Variants in RPL4 observed in about 807,000 individuals in gnomAD.
The protein encoded by RPL4 is large ribosomal subunit protein uL4.
Under a neutral mutation model 47.7 loss-of-function variants are expected in RPL4, and 3 were observed. The observed-to-expected ratio is 0.06, with a 90% CI of 0.03 to 0.16. The LOEUF (loss-of-function observed/expected upper bound fraction) is 0.16, where lower values mean the gene tolerates loss of function less well. Among genes scored for constraint, RPL4 ranks in the 10% least tolerant of loss-of-function variants. The pLI is 1.00. For missense variants in RPL4, 413 were observed against 551.3 expected (o/e 0.75, Z 2.51); for synonymous variants, 208 against 182.1 (o/e 1.14, Z -1.15).
At position 66,499,482 on chromosome 15, in the gene RPL4, A is replaced by G. The variant is rs746617791; in HGVS notation, c.1209T>C (p.Ala403=). 51 of 1,611,834 alleles carry G rather than the reference A, an allele frequency of 3.2e-5. No individual in the cohort carries two copies. Among genetic ancestry groups the G allele is most frequent in the Non-Finnish European group, 4.2e-5 (50 of 1,179,842 alleles). Residue 403 remains alanine (A), a synonymous_variant, in exon 10 of 10, where the codon GCT becomes GCC. Transcript: ENST00000307961. Reference sequence around the variant, plus strand: ...TCTTTTCAGGGGCTGGTTTCTTGGTAGCTGCTGCCTTTTTTCCCACCAGAG... The same window carrying G: ...TCTTTTCAGGGGCTGGTTTCTTGGTGGCTGCTGCCTTTTTTCCCACCAGAG... ...KKPLVGKKAA[A]TKKPAPEKKP...
At chr15:66,501,722 C>A in intron 5 of RPL4, 66 bp downstream of exon 5, 1 of 1,587,756 alleles carries the variant, frequency 6.3e-7, no homozygotes. Flanking sequence ...CCCTTATCTT[C>A]TGAAATTCAA....
chr15:66,503,418 A>C lies in RPL4; in HGVS notation c.115T>G (p.Phe39Val). Residue 39 changes from phenylalanine (F) to valine (V), a missense_variant, in exon 2 of 10, where the codon TTT becomes GTT. Phe to Val is a conservative substitution (Grantham distance 50). This residue lies in a region of RPL4 where 56 missense variants were observed against 70.6 expected (regional missense o/e 0.79). Transcript: ENST00000307961. ...KAPIRPDIVNFVHTNLRKNNR... is the reference protein window; with the variant it reads ...KAPIRPDIVNVVHTNLRKNNR... ...TTTTTGCGCAAGTTGGTGTGAACAAAGTTCACAATATCTGGTCGAATAGGA... is the reference window on the plus strand; with the variant it reads ...TTTTTGCGCAAGTTGGTGTGAACAACGTTCACAATATCTGGTCGAATAGGA... 6 of 1,611,978 alleles carry C rather than the reference A, an allele frequency of 3.7e-6. No homozygotes were observed. The highest frequency in any genetic ancestry group is 5.1e-6 in the Non-Finnish European group (6 of 1,178,202).
intron 1 of RPL4, 87 bp from the exon 2 acceptor site, chr15:66,503,616 C>CA: frequency 7.3e-7 from 1 of 1,377,028 alleles, no homozygotes; most frequent in Non-Finnish European, 9.8e-7. Context: ...ATTAAATACT[C>CA]AATTGCAGAA....
chr15:66,499,814 AG>A (rs1363264176), intron 9 of RPL4, 162 bp from the exon 10 acceptor site: 11 of 1,005,888 alleles, frequency 1.1e-5, no homozygotes, highest in Non-Finnish European at 4.3e-6. Flanking sequence ...ACCTGAGGTC[AG>A]GAGTTTGAGA....
rs142552065 is a variant in RPL4, at chr15:66,499,630, G to A, written c.1061C>T (p.Ala354Val). 18 of 1,613,974 alleles carry A rather than the reference G, an allele frequency of 1.1e-5. No individual in the cohort carries two copies. In the African/African-American group the frequency reaches 2.1e-4, roughly 19 times the overall value. ...TTGTAGTGCCGCTGCTGCAGCAGCT[G>A]CCTTATCCACCCGGAGCTTGTGCTG... ...ARNHKLRVDK[A>V]AAAAAALQAK... Residue 354 changes from alanine to valine, a missense_variant, in exon 10 of 10, where the codon GCA becomes GTA. Coordinates refer to ENST00000307961, the MANE Select transcript of RPL4 (RefSeq NM_000968.4).
Position 66,499,559 on chromosome 15 carries a change from C to T in RPL4, c.1132G>A (p.Val378Ile). ...KAAVAGKKPVVGKKGKKAAVG... is the reference protein window; with the variant it reads ...KAAVAGKKPVIGKKGKKAAVG... ...GCAGCCTTCTTTCCTTTCTTACCTACCACAGGCTTCTTGCCTGCAACCGCC... is the reference window on the plus strand; with the variant it reads ...GCAGCCTTCTTTCCTTTCTTACCTATCACAGGCTTCTTGCCTGCAACCGCC... Residue 378 changes from valine to isoleucine, a missense_variant, in exon 10 of 10, where the codon GTA (valine) becomes ATA (isoleucine). Physicochemically the swap from Val to Ile is conservative, Grantham distance 29. Coordinates refer to ENST00000307961, the MANE Select transcript of RPL4 (RefSeq NM_000968.4). The T allele has an allele frequency of 6.2e-7, 1 of 1,613,812 alleles. No individual in the cohort carries two copies. The highest frequency in any genetic ancestry group is 8.5e-7 in the Non-Finnish European group (1 of 1,179,872).
At position 66,500,056 on chromosome 15, in the gene RPL4, A is replaced by T. The variant is rs749539597; in HGVS notation, c.1038T>A (p.Asn346Lys). The T allele has an allele frequency of 2.5e-6, 4 of 1,611,530 alleles. No homozygotes were observed. Among genetic ancestry groups the T allele is most frequent in the Non-Finnish European group, 3.4e-6 (4 of 1,179,738 alleles). Reference protein sequence around the residue: ...RRNTILRQARNHKLRVDKAAA... With the variant: ...RRNTILRQARKHKLRVDKAAA... Reference sequence around the variant, plus strand: ...ACAAACAAACAAAAACTCCACTCACATTCCTGGCCTGGCGAAGAATGGTGT... The same window carrying T: ...ACAAACAAACAAAAACTCCACTCACTTTCCTGGCCTGGCGAAGAATGGTGT... The change falls in exon 9 of 10, where the codon AAT (asparagine) becomes AAA (lysine). Residue 346 changes from asparagine to lysine, a missense_variant and splice_region_variant. Asn to Lys is a moderately conservative substitution (Grantham distance 94). Around this residue, in one of 4 missense-constraint regions of RPL4, gnomAD observed 134 missense variants for 122.7 expected, o/e 1.09. Transcript: ENST00000307961.
In RPL4 at chr15:66,502,075, G is replaced by A. The variant is rs757021307; in HGVS notation, c.422-163C>T. ...TTCAGAAACACGGACCAATTAAGTG[G>A]AATCTCATCATTTTGACAGTTAAAT... On this transcript the variant is annotated intron_variant, in intron 4 of 9. Coordinates refer to ENST00000307961, the MANE Select transcript of RPL4 (RefSeq NM_000968.4). The A allele has an allele frequency of 3.2e-6, 3 of 932,766 alleles. No homozygotes were observed. The South Asian group carries it at 4.0e-5, about 12-fold the overall frequency. The allele number at this position is 932,766 out of a possible 1,614,324, so 57.8% of individuals were successfully genotyped here.
intron 2 of RPL4, 26 bp downstream of exon 2, chr15:66,503,332 T>G: frequency 6.2e-7 from 1 of 1,612,044 alleles, no homozygotes; most frequent in Non-Finnish European, 8.5e-7. Flanking sequence ...GTCCCTAAAA[T>G]ATCTGCAGAA....
chr15:66,499,364 T>C lies in RPL4; in HGVS notation c.*43A>G. The stretch of plus-strand genomic sequence containing the variant: ...TCAGGTCTTTATTCAAAAGAAGCTG[T>C]CCAAAATGATTTGACCTTTATGGAA... On this transcript the variant is annotated 3_prime_UTR_variant, in exon 10 of 10. Transcript: ENST00000307961. 1 of 1,575,442 alleles carries C rather than the reference T, an allele frequency of 6.3e-7. No homozygotes were observed. The highest frequency in any genetic ancestry group is 8.6e-7 in the Non-Finnish European group (1 of 1,168,034).
At chr15:66,501,219 T>TCA (rs768870085) in intron 6 of RPL4, 114 bp from the exon 7 acceptor site, 1 of 1,544,226 alleles carries the variant, frequency 6.5e-7, no homozygotes, top group Non-Finnish European at 9.0e-7. Context: ...TTATGAAGTT[T>TCA]CAACCATCAA....
Position 66,499,449 on chromosome 15 carries a change from T to C in RPL4, c.1242A>G (p.Ala414=), listed in dbSNP as rs769838266. Residue 414 remains alanine (A), a synonymous_variant, in exon 10 of 10, where the codon GCA becomes GCG. Transcript: ENST00000307961. ...TKKPAPEKKP[A]EKKPTTEEKK... ...TCTCCTCTGTAGTAGGTTTCTTCTC[T>C]GCAGGCTTCTTTTCAGGGGCTGGTT... 2 of 1,611,988 alleles carry C rather than the reference T, an allele frequency of 1.2e-6. No homozygotes were observed. The highest frequency in any genetic ancestry group is 1.7e-6 in the Non-Finnish European group (2 of 1,179,852).
intron 2 of RPL4, 88 bp downstream of exon 2, chr15:66,503,270 T>A (rs1893661834): frequency 1.3e-6 from 2 of 1,590,296 alleles, no homozygotes; most frequent in African/African-American, 1.3e-5. Flanking sequence ...GAAAATCATG[T>A]GGTTCAGAAA....
intron 6 of RPL4, 76 bp from the exon 7 acceptor site, chr15:66,501,181 C>A (rs1270632593): frequency 1.9e-6 from 3 of 1,585,570 alleles, no homozygotes; most frequent in Non-Finnish European, 1.7e-6. Context: ...GGCTTAAGAG[C>A]TATAAAAGGT....
intron 4 of RPL4, 83 bp downstream of exon 4, chr15:66,502,529 C>T (rs1893641622): frequency 1.4e-6 from 2 of 1,436,172 alleles, no homozygotes; most frequent in Admixed American, 4.3e-5. Flanking sequence ...AAATGGGTTA[C>T]TGTGAATAAA....
Position 66,500,100 on chromosome 15 carries a change from C to T in RPL4, c.994G>A (p.Ala332Thr). The change falls in exon 9 of 10, where the codon GCA becomes ACA. Residue 332 changes from alanine (A) to threonine (T), a missense_variant. This residue lies in a region of RPL4 where 134 missense variants were observed against 122.7 expected (regional missense o/e 1.09). Coordinates refer to ENST00000307961, the MANE Select transcript of RPL4 (RefSeq NM_000968.4). The stretch of plus-strand genomic sequence containing the variant: ...ATGGTGTTCCGGCGCATGGTCTTTG[C>T]ATATGGGTTTAGCTTCAACATGATT... ...LRIMLKLNPY[A>T]KTMRRNTILR... 1.9e-6 allele frequency: 3 copies of T among 1,612,544 alleles called. No homozygotes were observed. Among genetic ancestry groups the T allele is most frequent in the Non-Finnish European group, 2.5e-6 (3 of 1,179,862 alleles).
chr15:66,499,288 T>G lies in RPL4; in HGVS notation c.*119A>C. ...ACAAAATGTCACTTTAAAAAAATTC[T>G]AACCAAGCTTTACAGAGCACACCAA... On this transcript the variant is annotated 3_prime_UTR_variant, in exon 10 of 10. Transcript: ENST00000307961. 2.6e-5 allele frequency: 34 copies of G among 1,320,614 alleles called. No individual in the cohort carries two copies. The highest frequency in any genetic ancestry group is 3.4e-5 in the Non-Finnish European group (33 of 967,820). 81.8% of individuals were successfully genotyped at this position (1,320,614 alleles called of 1,614,324 possible). A position where few individuals can be genotyped will look rare whatever the true frequency, so the allele number is the denominator to read the frequency against.
In RPL4 at chr15:66,500,969, A is replaced by G. The variant is rs762509046; in HGVS notation, c.813T>C (p.Ala271=). The G allele has an allele frequency of 6.2e-7, 1 of 1,613,948 alleles. No individual in the cohort carries two copies. Among genetic ancestry groups the G allele is most frequent in the Admixed American group, 1.7e-5 (1 of 59,990 alleles). The change falls in exon 7 of 10, where the codon GCT becomes GCC. Residue 271 remains alanine (A), a synonymous_variant. Coordinates refer to ENST00000307961, the MANE Select transcript of RPL4 (RefSeq NM_000968.4). ...CTTACTTGTAGTTACTCTTGAGGGAAGCGGCTTTACGCCAAGTGCCGTACA... is the reference window on the plus strand; with the variant it reads ...CTTACTTGTAGTTACTCTTGAGGGAGGCGGCTTTACGCCAAGTGCCGTACA... ...DELYGTWRKA[A]SLKSNYNLPM... is the part of the protein sequence containing the mutation.
chr15:66,500,239 A>G (rs762994950), intron 8 of RPL4, 54 bp downstream of exon 8: 7 of 1,613,404 alleles, frequency 4.3e-6, no homozygotes, highest in Non-Finnish European at 5.9e-6. Context: ...AAATTTTTGA[A>G]ACAACCAATA....
Sources: allele counts gnomAD v4.1 joint callset, GRCh38; gene constraint gnomAD v4.1.1; regional missense constraint gnomAD v4.1.1; transcripts MANE v1.5; gene names NCBI Gene and HGNC (gene_info 2026-07-23, HGNC 2026-07-21).